The following FAM53B variants were observed in gnomAD, a reference collection of about 807,000 sequenced individuals.
FAM53B encodes the protein family with sequence similarity 53 member B.
Under a neutral mutation model 32.7 loss-of-function variants are expected in FAM53B, and 12 were observed. The ratio of observed to expected loss-of-function variants is 0.37; its 90% CI spans 0.24 to 0.59. FAM53B has a LOEUF of 0.59. Among genes scored for constraint, FAM53B ranks in the 20% least tolerant of loss-of-function variants. The pLI, the probability that FAM53B is intolerant of heterozygous loss-of-function variation, is 0.72. For synonymous variants in FAM53B, 234 were observed against 228.7 expected, an observed-to-expected ratio of 1.02 and a Z score of -0.21; for missense variants, 477 against 577.7, an observed-to-expected ratio of 0.83 and a Z score of 1.79.
In FAM53B at chr10:124,635,996, G is replaced by T. The variant is rs372789325; in HGVS notation, c.907-12392C>A. ...CAAGAAACTAGCGGTCCATCTGAGG[G>T]CATGGGAGATGGGAGAGATGGGGCA... On this transcript the variant is annotated intron_variant, in intron 4 of 4. Coordinates refer to ENST00000337318, the MANE Select transcript of FAM53B (RefSeq NM_014661.4). Among the ~76,000 whole-genome samples the T allele has an allele frequency of 2.8e-4, 43 of 152,298 alleles. No individual in the cohort carries two copies. The South Asian group carries it at 8.5e-3, about 30-fold the overall frequency.
intron 4 of FAM53B, among the ~76,000 whole-genome samples, chr10:124,626,702 G>T (rs869143141): frequency 6.6e-6 from 1 of 152,210 alleles, no homozygotes; most frequent in Non-Finnish European, 1.5e-5. Context: ...GACACTTTAT[G>T]CATTAGCCAT....
At chr10:124,740,504 C>A (rs537987268) in intron 1 of FAM53B, among the ~76,000 whole-genome samples, 1 of 152,130 alleles carries the variant, frequency 6.6e-6, no homozygotes, top group Non-Finnish European at 1.5e-5. Flanking sequence ...ATCTAAGCCT[C>A]TGGGTTTGTT....
intron 4 of FAM53B, among the ~76,000 whole-genome samples, chr10:124,663,814 T>G (rs1056527129): frequency 3.9e-5 from 6 of 151,960 alleles, no homozygotes; most frequent in African/African-American, 1.5e-4. Flanking sequence ...CTATATTCCC[T>G]GTGCTTCTAC....
At chr10:124,662,461 CCCATCCATCCATCCATCCAT>C (rs79363634) in intron 4 of FAM53B, among the ~76,000 whole-genome samples, 25,755 of 119,808 alleles carry the variant, frequency 0.21, 3,601 homozygotes, top group African/African-American at 0.4. Context: ...CACCCACCCA[CCCATCCATCCATCCATCCAT>C]CCATCCATCC....
intron 1 of FAM53B, among the ~76,000 whole-genome samples, chr10:124,735,056 G>A (rs1470294130): frequency 2.6e-5 from 4 of 152,136 alleles, no homozygotes; most frequent in African/African-American, 9.7e-5. Flanking sequence ...GGGGGCAGGC[G>A]CTCCAGCTGC....
intron 1 of FAM53B, among the ~76,000 whole-genome samples, chr10:124,729,714 C>T (rs569704928): frequency 2.0e-4 from 31 of 152,322 alleles, no homozygotes; most frequent in African/African-American, 7.5e-4. Flanking sequence ...CTGTACAATG[C>T]ATTTCAGAGA....
intron 1 of FAM53B, among the ~76,000 whole-genome samples, chr10:124,732,732 G>A (rs1041037529): frequency 4.6e-5 from 7 of 151,720 alleles, no homozygotes; most frequent in East Asian, 1.9e-4. Flanking sequence ...AGTGGCACAC[G>A]CCCATAGTCC....
intron 4 of FAM53B, among the ~76,000 whole-genome samples, chr10:124,643,816 C>T (rs1949493380): frequency 6.6e-6 from 1 of 152,234 alleles, no homozygotes; most frequent in African/African-American, 2.4e-5. Flanking sequence ...CTGGGCGGCT[C>T]CTGGAGCGGC....
chr10:124,695,274 G>A (rs1252316032), intron 3 of FAM53B, among the ~76,000 whole-genome samples: 1 of 152,256 alleles, frequency 6.6e-6, no homozygotes, highest in South Asian at 2.1e-4. Flanking sequence ...GTCCCCAAAG[G>A]TGGGCAAGGA....
At position 124,730,714 on chromosome 10, in the gene FAM53B, C is replaced by T. The variant is rs536560939; in HGVS notation, c.-175+13299G>A. ...GCATGCAGCTATTAAGCATGTGACA[C>T]GTGGCTAGTGCAACCAAAGAACTGA... On this transcript the variant is annotated intron_variant, in intron 1 of 4. Transcript: ENST00000337318. Among the ~76,000 whole-genome samples, 34 of 152,294 alleles carry T rather than the reference C, an allele frequency of 2.2e-4. No individual in the cohort carries two copies. In the South Asian group the frequency reaches 6.2e-3, roughly 28 times the overall value.
intron 1 of FAM53B, among the ~76,000 whole-genome samples, chr10:124,740,334 A>T (rs1456116731): frequency 6.6e-6 from 1 of 152,244 alleles, no homozygotes; most frequent in African/African-American, 2.4e-5. Context: ...CTTAAAACAA[A>T]GTTGTTTGGC....
At chr10:124,694,033 G>T (rs1239369029) in intron 3 of FAM53B, among the ~76,000 whole-genome samples, 1 of 152,212 alleles carries the variant, frequency 6.6e-6, no homozygotes, top group East Asian at 1.9e-4. Flanking sequence ...GGGAGGGGCC[G>T]ACCAACAGAA....
At position 124,619,383 on chromosome 10, in the gene FAM53B, T is replaced by C. The variant is rs1010255530; in HGVS notation, c.*3859A>G. On this transcript the variant is annotated 3_prime_UTR_variant, in exon 5 of 5. Transcript: ENST00000337318. ...AGCGGCTGGAGTGCAAGCCACAGCC[T>C]GTGCGGGGAGGCCAGGCTGCAGGGG... is the stretch of plus-strand genomic sequence containing the variant. The C allele has an allele frequency of 6.6e-6, 1 of 152,570 alleles. No individual in the cohort carries two copies. The highest frequency in any genetic ancestry group is 2.4e-5 in the African/African-American group (1 of 41,420). The allele number at this position is 152,570 out of a possible 1,614,324, so 9.5% of individuals were successfully genotyped here. A position where few individuals can be genotyped will look rare whatever the true frequency, so the allele number is the denominator to read the frequency against.
intron 4 of FAM53B, among the ~76,000 whole-genome samples, chr10:124,662,709 A>C (rs1361851822): frequency 6.6e-6 from 1 of 152,170 alleles, no homozygotes; most frequent in East Asian, 1.9e-4. Flanking sequence ...CTGTAGTCCC[A>C]GCTACTTGGG....
At chr10:124,738,700 G>T (rs888342723) in intron 1 of FAM53B, among the ~76,000 whole-genome samples, 1 of 152,098 alleles carries the variant, frequency 6.6e-6, no homozygotes, top group African/African-American at 2.4e-5. Context: ...TCAGTTACTT[G>T]ATTACTTTAG....
At chr10:124,678,566 G>A (rs1949750464) in intron 4 of FAM53B, among the ~76,000 whole-genome samples, 1 of 152,168 alleles carries the variant, frequency 6.6e-6, no homozygotes, top group Admixed American at 6.5e-5. Context: ...TGAACACCAT[G>A]CCCAGAAAAA....
At chr10:124,692,510 T>C (rs891351733) in intron 3 of FAM53B, among the ~76,000 whole-genome samples, 16 of 151,156 alleles carry the variant, frequency 1.1e-4, no homozygotes, top group African/African-American at 2.7e-4. Context: ...AGGTCAAGAG[T>C]TCGAGACCAG....
chr10:124,636,080 G>A (rs569212945), intron 4 of FAM53B, among the ~76,000 whole-genome samples: 1 of 152,300 alleles, frequency 6.6e-6, no homozygotes, highest in South Asian at 2.1e-4. Context: ...GTCCGAAAAT[G>A]AAATGCCATG....
Position 124,681,907 on chromosome 10 carries a change from G to C in FAM53B, c.606C>G (p.Ala202=). The part of the protein sequence containing the change: ...GQPCQGVPGS[A]PCGQAGDTWS... ...AGGTGTCACCTGCCTGTCCACACGGGGCTGAGCCTGGCACCCCTTGGCAGG... is the reference window on the plus strand; with the variant it reads ...AGGTGTCACCTGCCTGTCCACACGGCGCTGAGCCTGGCACCCCTTGGCAGG... Residue 202 remains alanine (A), a synonymous_variant, in exon 4 of 5, where the codon GCC becomes GCG. Coordinates refer to ENST00000337318, the MANE Select transcript of FAM53B (RefSeq NM_014661.4). The C allele has an allele frequency of 6.2e-7, 1 of 1,613,950 alleles. No homozygotes were observed. The highest frequency in any genetic ancestry group is 1.6e-4 in the Middle Eastern group (1 of 6,062).
Sources: gnomAD v4.1 joint callset for allele counts (sites outside exome capture counted in the v4.1 genomes callset) on GRCh38, gnomAD v4.1.1 for gene constraint, MANE v1.5 for transcripts, NCBI Gene and HGNC (gene_info 2026-07-23, HGNC 2026-07-21) for gene names.